Variants in ADGRA1 observed in about 807,000 individuals in gnomAD.
ADGRA1 encodes the protein G-protein coupled receptor 123.
Under a neutral mutation model 21.3 loss-of-function variants are expected in ADGRA1, and 12 were observed. That is an observed-to-expected ratio of 0.56 (90% CI 0.36 to 0.91). ADGRA1 has a LOEUF of 0.91. ADGRA1 is among the 40% of genes least tolerant of loss of function. ADGRA1 has a pLI of 0.01. For synonymous variants in ADGRA1, 385 were observed against 368.8 expected (o/e 1.04, Z -0.50); for missense variants, 790 against 805.6 (o/e 0.98, Z 0.23).
At chr10:133,109,797 C>G (rs1007378797) in intron 5 of ADGRA1, among the ~76,000 whole-genome samples, 1 of 152,166 alleles carries the variant, frequency 6.6e-6, no homozygotes, top group African/African-American at 2.4e-5. Flanking sequence ...TGTGTGAAAT[C>G]GGCCTCCAGG....
At chr10:133,093,119 A>G in intron 2 of ADGRA1, 1 of 1,597,752 alleles carries the variant, frequency 6.3e-7, no homozygotes, top group South Asian at 1.1e-5. Context: ...CTCACTGTGC[A>G]GGAAAGAAGG....
intron 5 of ADGRA1, among the ~76,000 whole-genome samples, chr10:133,124,922 G>A (rs554210870): frequency 4.6e-5 from 7 of 152,210 alleles, no homozygotes; most frequent in Non-Finnish European, 7.4e-5. Context: ...GGCCTCCCGC[G>A]CCCTCTGCCG....
intron 4 of ADGRA1, among the ~76,000 whole-genome samples, chr10:133,099,145 C>T (rs377214223): frequency 1.7e-3 from 253 of 147,612 alleles, no homozygotes; most frequent in African/African-American, 2.7e-3. Context: ...GGACACAGCC[C>T]GCCCCTCCCG....
chr10:133,107,080 GA>G (rs1368320423), intron 5 of ADGRA1, among the ~76,000 whole-genome samples: 1 of 152,172 alleles, frequency 6.6e-6, no homozygotes, highest in Non-Finnish European at 1.5e-5. Context: ...TTTTCCCAGG[GA>G]TTTTATTCTT....
rs959355125 is a variant in ADGRA1 at position 133,129,527 on chromosome 10, A to G, written c.*16A>G. 6.4e-7 allele frequency: 1 copy of G among 1,565,980 alleles called. No individual in the cohort carries two copies. The highest frequency in any genetic ancestry group is 1.3e-5 in the African/African-American group (1 of 74,084). On this transcript the variant is annotated 3_prime_UTR_variant, in exon 7 of 7. Coordinates refer to ENST00000392607, the MANE Select transcript of ADGRA1 (RefSeq NM_001083909.3). ...TACTGTGTAGATGGGGGCAGAGGAC[A>G]CGGTGTTCCTGGAGGAGCTTCAGAG...
chr10:133,095,171 G>A (rs541552602), intron 2 of ADGRA1, among the ~76,000 whole-genome samples: 3 of 152,272 alleles, frequency 2.0e-5, no homozygotes, highest in South Asian at 2.1e-4. Context: ...GCTGGAGCTC[G>A]GACCGGACAC....
intron 6 of ADGRA1, among the ~76,000 whole-genome samples, chr10:133,127,738 G>A (rs963065229): frequency 6.7e-5 from 10 of 148,468 alleles, no homozygotes; most frequent in Non-Finnish European, 1.5e-4. Flanking sequence ...CCCCAGGATG[G>A]CCCGCCCGTC....
In ADGRA1 at chr10:133,128,892, TCG is replaced by T; in HGVS notation, c.1068_1069del (p.His357ProfsTer65). On this transcript the variant is annotated frameshift_variant, in exon 7 of 7. Coordinates refer to ENST00000392607, the MANE Select transcript of ADGRA1 (RefSeq NM_001083909.3). LOFTEE classifies it low-confidence loss of function (END_TRUNC). ...CCGGGACTGGGCCAGCCACGGGGCT[TCG>T]CGCACCCACCGGGCCCCTGCAAGAT... 1 of 1,561,508 alleles carries T rather than the reference TCG, an allele frequency of 6.4e-7. No individual in the cohort carries two copies.
At chr10:133,099,551 G>A (rs1851754671) in intron 4 of ADGRA1, among the ~76,000 whole-genome samples, 1 of 152,180 alleles carries the variant, frequency 6.6e-6, no homozygotes, top group South Asian at 2.1e-4. Flanking sequence ...GCCTGACCTT[G>A]GTTTAAAAGG....
chr10:133,101,669 T>A (rs920622815), intron 4 of ADGRA1, among the ~76,000 whole-genome samples: 2 of 152,132 alleles, frequency 1.3e-5, no homozygotes, highest in Non-Finnish European at 2.9e-5. Context: ...TCTGCCCTAC[T>A]CCTCGACACG....
chr10:133,127,251 A>G lies in ADGRA1; in HGVS notation c.420A>G (p.Gly140=). ...CCGGCAGGTTTTACCTCGTCAGCGG[A>G]GGGGTCCCCTTTATCATCTGTGGGG... is the stretch of plus-strand genomic sequence containing the variant. The part of the protein sequence containing the change: ...QPLLRFYLVS[G]GVPFIICGVT... The change falls in exon 6 of 7, where the codon GGA becomes GGG. Residue 140 remains glycine (G), a synonymous_variant. Coordinates refer to ENST00000392607, the MANE Select transcript of ADGRA1 (RefSeq NM_001083909.3). The G allele has an allele frequency of 6.3e-7, 1 of 1,588,020 alleles. No individual in the cohort carries two copies. The highest frequency in any genetic ancestry group is 8.5e-7 in the Non-Finnish European group (1 of 1,170,276).
intron 5 of ADGRA1, among the ~76,000 whole-genome samples, chr10:133,116,247 A>G (rs2135898185): frequency 6.6e-6 from 1 of 152,278 alleles, no homozygotes; most frequent in Admixed American, 6.5e-5. Flanking sequence ...GCTCCTGGGA[A>G]CCGAGCTGAT....
At chr10:133,112,831 A>G (rs1397851938) in intron 5 of ADGRA1, among the ~76,000 whole-genome samples, 2 of 89,088 alleles carry the variant, frequency 2.2e-5, no homozygotes, top group African/African-American at 4.5e-5. Flanking sequence ...TGGGGTCTGT[A>G]AGCTGTGTTG....
At chr10:133,091,800 T>A (rs1192109521) in intron 2 of ADGRA1, among the ~76,000 whole-genome samples, 1 of 152,010 alleles carries the variant, frequency 6.6e-6, no homozygotes, top group Non-Finnish European at 1.5e-5. Flanking sequence ...AAGGACAGAG[T>A]GCCTTCGAAA....
chr10:133,089,061 C>T, intron 2 of ADGRA1, 149 bp downstream of exon 2: 1 of 1,228,464 alleles, frequency 8.1e-7, no homozygotes. Flanking sequence ...GTGGGAGGCT[C>T]TGTGGAGTGG....
chr10:133,088,656 G>T, intron 1 of ADGRA1, 52 bp from the exon 2 acceptor site: 4 of 1,146,054 alleles, frequency 3.5e-6, no homozygotes, highest in Non-Finnish European at 4.4e-6. Context: ...GCTGCGAGCT[G>T]CCCTCCGCGG....
chr10:133,097,009 A>G lies in ADGRA1; in HGVS notation c.39A>G (p.Pro13=). Residue 13 remains proline (P), a synonymous_variant, in exon 3 of 7, where the codon CCA becomes CCG. Transcript: ENST00000392607. The part of the protein sequence containing the change: ...LKTVLSLPRY[P]GEFLHPVVYA... ...CAGTGCTCTCCCTGCCCCGCTACCC[A>G]GGGGAGTTCCTGCACCCCGTGGTGT... 1 of 1,613,426 alleles carries G rather than the reference A, an allele frequency of 6.2e-7. No individual in the cohort carries two copies. Among genetic ancestry groups the G allele is most frequent in the East Asian group, 2.2e-5 (1 of 44,876 alleles).
chr10:133,110,903 G>A (rs1851977446), intron 5 of ADGRA1, among the ~76,000 whole-genome samples: 1 of 152,156 alleles, frequency 6.6e-6, no homozygotes, highest in African/African-American at 2.4e-5. Flanking sequence ...GGACACAGGT[G>A]CTGCTGGATA....
intron 2 of ADGRA1, among the ~76,000 whole-genome samples, chr10:133,090,522 G>A (rs1024394106): frequency 1.5e-4 from 23 of 152,380 alleles, no homozygotes; most frequent in African/African-American, 5.3e-4. Context: ...TCAGTCTGGT[G>A]CAGCATTTTT....
Sources: gnomAD v4.1 joint callset for allele counts (sites outside exome capture counted in the v4.1 genomes callset) on GRCh38, gnomAD v4.1.1 for gene constraint, MANE v1.5 for transcripts, NCBI Gene and HGNC (gene_info 2026-07-23, HGNC 2026-07-21) for gene names.